WWOX: variants seen among roughly 807,000 people sequenced by gnomAD.
The protein encoded by WWOX is WW domain-containing oxidoreductase.
WWOX carries 69 observed loss-of-function variants against 46.2 expected under a neutral mutation model. The ratio of observed to expected loss-of-function variants is 1.49; its 90% CI spans 1.23 to 1.82. The LOEUF is 1.82. Ranked by LOEUF, WWOX falls within the 40% of genes most tolerant of loss-of-function variation. The probability of loss-of-function intolerance (pLI) is 0.00; values close to 1 mark genes in which losing one functional copy is unlikely to be tolerated. For missense variants in WWOX, 919 were observed against 542.6 expected (o/e 1.69, Z -6.89); for synonymous variants, 359 against 202.6 (o/e 1.77, Z -6.56).
At chr16:78,583,547 T>TG (rs762865713) in intron 8 of WWOX, among the ~76,000 whole-genome samples, 18 of 152,192 alleles carry the variant, frequency 1.2e-4, no homozygotes, top group Non-Finnish European at 2.5e-4. Flanking sequence ...AAGATGCACT[T>TG]GGCAGCAATT....
In WWOX at chr16:78,476,557, TAACA is replaced by T. The variant is rs539908500; in HGVS notation, c.1056+43809_1056+43812del. ...CCAACACAGCACATGTCTACATATG[TAACA>T]AACCTGCACGTTGTGCACATGTACC... On this transcript the variant is annotated intron_variant, in intron 8 of 8. Coordinates refer to ENST00000566780, the MANE Select transcript of WWOX (RefSeq NM_016373.4). Among the ~76,000 whole-genome samples the T allele has an allele frequency of 1.3e-3, 204 of 152,196 alleles. 1 individual carries two copies. The highest frequency in any genetic ancestry group is 4.7e-3 in the African/African-American group (196 of 41,556).
chr16:78,414,329 G>A (rs1042067556), intron 6 of WWOX, among the ~76,000 whole-genome samples: 2 of 152,186 alleles, frequency 1.3e-5, no homozygotes, highest in African/African-American at 4.8e-5. Flanking sequence ...ATGGACACGT[G>A]TAACAGAGGT....
intron 8 of WWOX, among the ~76,000 whole-genome samples, chr16:78,754,196 C>T (rs907537377): frequency 6.6e-6 from 1 of 152,052 alleles, no homozygotes; most frequent in Non-Finnish European, 1.5e-5. Flanking sequence ...TCTTCTCTGT[C>T]TTCACTCGGT....
chr16:78,711,376 A>G (rs1332441997), intron 8 of WWOX, among the ~76,000 whole-genome samples: 1 of 152,246 alleles, frequency 6.6e-6, no homozygotes, highest in Non-Finnish European at 1.5e-5. Flanking sequence ...TGATGCTCAT[A>G]TCTGGCCACT....
At position 79,195,229 on chromosome 16, in the gene WWOX, G is replaced by T. The variant is rs1054604352; in HGVS notation, c.1057-16379G>T. On this transcript the variant is annotated intron_variant, in intron 8 of 8. Coordinates refer to ENST00000566780, the MANE Select transcript of WWOX (RefSeq NM_016373.4). ...TGCAACTGAGATTGGCATGTAGGAAGATTACTGGGGAGTGTTCTAGGATCC... is the reference window on the plus strand; with the variant it reads ...TGCAACTGAGATTGGCATGTAGGAATATTACTGGGGAGTGTTCTAGGATCC... 3.9e-5 allele frequency among the ~76,000 whole-genome samples: 6 copies of T among 152,084 alleles called. No individual in the cohort carries two copies. The East Asian group carries it at 9.7e-4, about 24-fold the overall frequency.
At chr16:79,015,447 A>C (rs2047393921) in intron 8 of WWOX, among the ~76,000 whole-genome samples, 1 of 152,168 alleles carries the variant, frequency 6.6e-6, no homozygotes, top group Non-Finnish European at 1.5e-5. Context: ...AGGATTTAAG[A>C]GTTAACCTGA....
intron 8 of WWOX, among the ~76,000 whole-genome samples, chr16:78,485,827 C>G (rs1032077951): frequency 6.6e-6 from 1 of 152,196 alleles, no homozygotes; most frequent in Non-Finnish European, 1.5e-5. Flanking sequence ...CACCGCCACT[C>G]CTGGATGCAC....
At position 78,616,330 on chromosome 16, in the gene WWOX, A is replaced by C. The variant is rs1439496477; in HGVS notation, c.1056+183578A>C. ...TATAAACAACGGAAATGTATTTCTC[A>C]CAATTCCGGAGGCTGAGAAGTCCAA... On this transcript the variant is annotated intron_variant, in intron 8 of 8. Coordinates refer to ENST00000566780, the MANE Select transcript of WWOX (RefSeq NM_016373.4). 2.0e-5 allele frequency among the ~76,000 whole-genome samples: 3 copies of C among 152,116 alleles called. No individual in the cohort carries two copies. In the East Asian group the frequency reaches 5.8e-4, roughly 29 times the overall value.
intron 8 of WWOX, among the ~76,000 whole-genome samples, chr16:78,676,717 A>G (rs1465646995): frequency 6.6e-6 from 1 of 152,200 alleles, no homozygotes; most frequent in African/African-American, 2.4e-5. Context: ...AGTTTAAAGC[A>G]AGTTCTCATC....
At chr16:79,164,061 G>A (rs11860411) in intron 8 of WWOX, among the ~76,000 whole-genome samples, 5,354 of 152,234 alleles carry the variant, frequency 0.035, 314 homozygotes, top group African/African-American at 0.12. Context: ...GCGTGATCGC[G>A]TTCACCCATT....
chr16:79,146,773 C>T (rs574698725), intron 8 of WWOX, among the ~76,000 whole-genome samples: 1 of 152,038 alleles, frequency 6.6e-6, no homozygotes, highest in Non-Finnish European at 1.5e-5. Context: ...TTCTAGGAAG[C>T]GAAGACTACT....
At chr16:78,104,856 A>G (rs1002285528) in intron 1 of WWOX, among the ~76,000 whole-genome samples, 1 of 152,230 alleles carries the variant, frequency 6.6e-6, no homozygotes, top group Admixed American at 6.5e-5. Context: ...TATAACCCCA[A>G]GAAGTAAGTG....
chr16:78,691,515 T>G (rs2047987300), intron 8 of WWOX, among the ~76,000 whole-genome samples: 1 of 152,020 alleles, frequency 6.6e-6, no homozygotes, highest in Non-Finnish European at 1.5e-5. Context: ...GAGACCAGTC[T>G]GGGCAACAAC....
intron 5 of WWOX, among the ~76,000 whole-genome samples, chr16:78,334,428 T>A (rs1257371545): frequency 6.6e-6 from 1 of 152,204 alleles, no homozygotes; most frequent in East Asian, 1.9e-4. Context: ...GACTTTACTC[T>A]GAGCTATGAG....
At chr16:78,149,244 C>G (rs1415351684) in intron 4 of WWOX, among the ~76,000 whole-genome samples, 1 of 152,104 alleles carries the variant, frequency 6.6e-6, no homozygotes, top group Non-Finnish European at 1.5e-5. Context: ...TTGAGTATAA[C>G]TTGTAACGGT....
At chr16:78,364,721 C>A (rs2081494395) in intron 5 of WWOX, among the ~76,000 whole-genome samples, 1 of 152,170 alleles carries the variant, frequency 6.6e-6, no homozygotes, top group Non-Finnish European at 1.5e-5. Context: ...AAATCCCTGC[C>A]AGCATCTGTT....
At chr16:78,383,625 T>A (rs2082001606) in intron 5 of WWOX, among the ~76,000 whole-genome samples, 1 of 152,190 alleles carries the variant, frequency 6.6e-6, no homozygotes. Context: ...AGTTACTAAG[T>A]TTGTTAGACA....
intron 8 of WWOX, among the ~76,000 whole-genome samples, chr16:78,646,882 T>G (rs1002350107): frequency 6.6e-6 from 1 of 152,150 alleles, no homozygotes; most frequent in African/African-American, 2.4e-5. Context: ...TAGGCTGTGT[T>G]GGCTGTGAGT....
At chr16:78,860,361 T>G (rs192002067) in intron 8 of WWOX, among the ~76,000 whole-genome samples, 1 of 152,294 alleles carries the variant, frequency 6.6e-6, no homozygotes, top group East Asian at 1.9e-4. Flanking sequence ...GGATATAACG[T>G]CTGTTCTGAG....
Sources: gnomAD v4.1 joint callset for allele counts (sites outside exome capture counted in the v4.1 genomes callset) on GRCh38, gnomAD v4.1.1 for gene constraint, MANE v1.5 for transcripts, NCBI Gene and HGNC (gene_info 2026-07-23, HGNC 2026-07-21) for gene names.